NEGR1: variants seen among roughly 807,000 people sequenced by gnomAD.
The protein encoded by NEGR1 is IgLON family member 4.
Under a neutral mutation model 40.9 loss-of-function variants are expected in NEGR1, and 10 were observed. The observed-to-expected ratio is 0.24, with a 90% CI of 0.15 to 0.42. The LOEUF (loss-of-function observed/expected upper bound fraction) is 0.42, where lower values mean the gene tolerates loss of function less well. Among genes scored for constraint, NEGR1 ranks in the 10% least tolerant of loss-of-function variants. NEGR1 has a pLI of 1.00. For synonymous variants in NEGR1, 185 were observed against 166.8 expected, an observed-to-expected ratio of 1.11 and a Z score of -0.84; for missense variants, 352 against 438.9, an observed-to-expected ratio of 0.80 and a Z score of 1.77.
At chr1:72,217,482 T>C (rs111376185) in intron 1 of NEGR1, among the ~76,000 whole-genome samples, 5 of 151,920 alleles carry the variant, frequency 3.3e-5, no homozygotes, top group African/African-American at 1.2e-4. Context: ...AATGCCAATA[T>C]GATTTCTTCT....
chr1:71,753,040 T>C (rs1269299452), intron 3 of NEGR1, among the ~76,000 whole-genome samples: 1 of 152,174 alleles, frequency 6.6e-6, no homozygotes, highest in Non-Finnish European at 1.5e-5. Context: ...CTATCAGAAT[T>C]GAGTGTGAAT....
At chr1:71,929,442 G>T (rs1557440118) in intron 2 of NEGR1, among the ~76,000 whole-genome samples, 8 of 152,082 alleles carry the variant, frequency 5.3e-5, no homozygotes, top group Admixed American at 4.6e-4. Context: ...TTTAGAGCAT[G>T]TCCAAGATTG....
intron 1 of NEGR1, among the ~76,000 whole-genome samples, chr1:72,261,560 C>CT (rs541512913): frequency 6.6e-6 from 1 of 151,788 alleles, no homozygotes; most frequent in South Asian, 2.1e-4. Context: ...GTTTATAAAA[C>CT]TTTTTTTTCC....
At chr1:71,675,994 C>T (rs1652621784) in intron 4 of NEGR1, among the ~76,000 whole-genome samples, 1 of 151,982 alleles carries the variant, frequency 6.6e-6, no homozygotes, top group Admixed American at 6.6e-5. Context: ...AGATACTAAA[C>T]AGGTGTTTGA....
chr1:72,110,770 C>G (rs1649331489), intron 1 of NEGR1, among the ~76,000 whole-genome samples: 1 of 151,368 alleles, frequency 6.6e-6, no homozygotes, highest in African/African-American at 2.4e-5. Flanking sequence ...GTTTTCACGA[C>G]TTTTTACCCA....
chr1:71,984,903 G>A (rs1646382026), intron 1 of NEGR1, among the ~76,000 whole-genome samples: 1 of 151,982 alleles, frequency 6.6e-6, no homozygotes, highest in Admixed American at 6.6e-5. Flanking sequence ...TGCTTATAAT[G>A]AACCGAGCAT....
intron 2 of NEGR1, among the ~76,000 whole-genome samples, chr1:71,923,681 C>T (rs1403679234): frequency 6.6e-6 from 1 of 152,086 alleles, no homozygotes; most frequent in Admixed American, 6.5e-5. Flanking sequence ...ATTTCATTTC[C>T]TTGACTTTCC....
chr1:71,550,656 GC>G (rs1328291622), intron 6 of NEGR1, among the ~76,000 whole-genome samples: 1 of 151,546 alleles, frequency 6.6e-6, no homozygotes, highest in Non-Finnish European at 1.5e-5. Flanking sequence ...TGAGACCACA[GC>G]CTAGACTAGT....
chr1:71,429,637 T>A (rs1162019997), intron 6 of NEGR1, among the ~76,000 whole-genome samples: 4 of 152,180 alleles, frequency 2.6e-5, no homozygotes, highest in Admixed American at 6.5e-5. Context: ...CTCATTGTTC[T>A]GCAGCCAGAC....
chr1:71,581,733 C>T (rs1266240660), intron 6 of NEGR1, among the ~76,000 whole-genome samples: 1 of 146,920 alleles, frequency 6.8e-6, no homozygotes, highest in Non-Finnish European at 1.5e-5. Context: ...GACCGGGTCT[C>T]ACTCTGCCGT....
At chr1:72,173,556 T>A (rs1232352445) in intron 1 of NEGR1, among the ~76,000 whole-genome samples, 5 of 151,908 alleles carry the variant, frequency 3.3e-5, no homozygotes, top group Non-Finnish European at 7.4e-5. Context: ...GCTATCTAAT[T>A]TCTAATGGCC....
At chr1:71,643,023 A>C (rs1440232278) in intron 4 of NEGR1, among the ~76,000 whole-genome samples, 1 of 152,026 alleles carries the variant, frequency 6.6e-6, no homozygotes, top group African/African-American at 2.4e-5. Context: ...CAGACAAAGG[A>C]GTAAAACCAT....
intron 2 of NEGR1, among the ~76,000 whole-genome samples, chr1:71,863,343 C>G (rs1660010086): frequency 6.6e-6 from 1 of 152,062 alleles, no homozygotes; most frequent in South Asian, 2.1e-4. Flanking sequence ...CAAACTAATG[C>G]AGGAACAGAA....
chr1:72,151,179 C>A (rs975361398), intron 1 of NEGR1, among the ~76,000 whole-genome samples: 3 of 151,536 alleles, frequency 2.0e-5, no homozygotes, highest in African/African-American at 7.3e-5. Context: ...TGGTTTTCTC[C>A]TTATTTATTC....
At chr1:72,055,694 A>G (rs1647103510) in intron 1 of NEGR1, among the ~76,000 whole-genome samples, 1 of 150,454 alleles carries the variant, frequency 6.6e-6, no homozygotes, top group African/African-American at 2.4e-5. Context: ...AATGAAGAGC[A>G]ATTCAGATGT....
chr1:72,043,935 A>G (rs1257281966), intron 1 of NEGR1, among the ~76,000 whole-genome samples: 2 of 151,870 alleles, frequency 1.3e-5, no homozygotes, highest in Admixed American at 6.6e-5. Context: ...AATGCTTTTT[A>G]TTTCTCAATG....
At chr1:72,191,429 G>A (rs567355073) in intron 1 of NEGR1, among the ~76,000 whole-genome samples, 14 of 151,896 alleles carry the variant, frequency 9.2e-5, no homozygotes, top group African/African-American at 3.1e-4. Context: ...AAGGGAGAAT[G>A]AGAGACAGAC....
At chr1:71,940,512 C>T (rs1470129268) in intron 1 of NEGR1, among the ~76,000 whole-genome samples, 1 of 152,164 alleles carries the variant, frequency 6.6e-6, no homozygotes, top group African/African-American at 2.4e-5. Flanking sequence ...ATAGCTTGAA[C>T]ATTTCTTTTT....
At chr1:71,933,461 T>C (rs1645874242) in intron 2 of NEGR1, among the ~76,000 whole-genome samples, 1 of 152,102 alleles carries the variant, frequency 6.6e-6, no homozygotes, top group Non-Finnish European at 1.5e-5. Flanking sequence ...AACTCGAACA[T>C]ATTATTGTTC....
Sources: allele counts gnomAD v4.1 joint callset (sites outside exome capture counted in the v4.1 genomes callset), GRCh38; gene constraint gnomAD v4.1.1; transcripts MANE v1.5; gene names NCBI Gene and HGNC (gene_info 2026-07-23, HGNC 2026-07-21).